Variants in C6orf52 observed in about 807,000 individuals in gnomAD.
C6orf52 encodes the protein chromosome 6 open reading frame 52.
A neutral mutation model predicts 16.6 loss-of-function variants in C6orf52; 16 were observed. The observed-to-expected ratio is 0.96, with a 90% CI of 0.65 to 1.46. C6orf52 has a LOEUF of 1.46. Among genes scored for constraint, C6orf52 ranks in the 40% most tolerant of loss-of-function variants. The pLI, the probability that C6orf52 is intolerant of heterozygous loss-of-function variation, is 0.00. For synonymous variants in C6orf52, 53 were observed against 61.4 expected, an observed-to-expected ratio of 0.86 and a Z score of 0.64; for missense variants, 166 against 182.3, an observed-to-expected ratio of 0.91 and a Z score of 0.52.
intron 1 of C6orf52, among the ~76,000 whole-genome samples, chr6:10,689,829 A>G (rs1310995574): frequency 6.6e-6 from 1 of 152,254 alleles, no homozygotes; most frequent in Admixed American, 6.5e-5. Flanking sequence ...TCCTTCCACT[A>G]GCACTAGACT....
chr6:10,687,533 A>G lies in C6orf52; in HGVS notation c.18T>C (p.Ser6=). 1 of 1,550,536 alleles carries G rather than the reference A, an allele frequency of 6.4e-7. No individual in the cohort carries two copies. Among genetic ancestry groups the G allele is most frequent in the Non-Finnish European group, 8.7e-7 (1 of 1,146,238 alleles). The part of the protein sequence containing the change: MAQPE[S]SADFGIAQQN... The stretch of plus-strand genomic sequence containing the variant: ...GTTGAGCTATGCCAAAATCTGCAGA[A>G]CTCTCTGGTTGGGCCATTTACCCAG... The change falls in exon 2 of 5, where the codon AGT becomes AGC. Residue 6 remains serine, a synonymous_variant. Transcript: ENST00000259983.
At chr6:10,672,339 G>C (rs1384468524) in intron 4 of C6orf52, among the ~76,000 whole-genome samples, 1 of 152,076 alleles carries the variant, frequency 6.6e-6, no homozygotes, top group African/African-American at 2.4e-5. Flanking sequence ...ATACTCATAT[G>C]GGTTCATGCT....
At position 10,687,464 on chromosome 6, in the gene C6orf52, G is replaced by A. The variant is rs1404010606; in HGVS notation, c.71+16C>T. The A allele has an allele frequency of 1.3e-6, 2 of 1,516,952 alleles. No individual in the cohort carries two copies. The highest frequency in any genetic ancestry group is 1.8e-6 in the Non-Finnish European group (2 of 1,116,844). 94.0% of individuals were successfully genotyped at this position (1,516,952 alleles called of 1,614,324 possible). ...AGTAACAGCTTTCCTTTTCAAAGTA[G>A]GAGAAAACCACTCACCTTTGCCAGT... On this transcript the variant is annotated intron_variant, in intron 2 of 4. Coordinates refer to ENST00000259983, the MANE Select transcript of C6orf52 (RefSeq NM_001145020.3).
At chr6:10,691,658 CT>C (rs1769321976) in intron 1 of C6orf52, among the ~76,000 whole-genome samples, 1 of 152,062 alleles carries the variant, frequency 6.6e-6, no homozygotes, top group South Asian at 2.1e-4. Context: ...GTCTCCCTCC[CT>C]TAAAATCCTA....
At chr6:10,676,841 C>T (rs1358962302) in intron 4 of C6orf52, among the ~76,000 whole-genome samples, 1 of 152,190 alleles carries the variant, frequency 6.6e-6, no homozygotes, top group Non-Finnish European at 1.5e-5. Context: ...ACTCCTTAAC[C>T]CACCCACATG....
At position 10,679,217 on chromosome 6, in the gene C6orf52, ATCACCT is replaced by A. The variant is rs371220375; in HGVS notation, c.316+3964_316+3969del. Among the ~76,000 whole-genome samples, 193 of 152,292 alleles carry A rather than the reference ATCACCT, an allele frequency of 1.3e-3. 1 individual carries two copies. Among genetic ancestry groups the A allele is most frequent in the African/African-American group, 4.1e-3 (171 of 41,568 alleles). ...CACTTTGGGAGGATGACGTGGGTGG[ATCACCT>A]GAGGCCAGGAGTTTGAGACCAGCCT... On this transcript the variant is annotated intron_variant, in intron 4 of 4. Transcript: ENST00000259983.
At chr6:10,679,855 A>G (rs1581543320) in intron 4 of C6orf52, among the ~76,000 whole-genome samples, 3 of 152,222 alleles carry the variant, frequency 2.0e-5, no homozygotes, top group Non-Finnish European at 4.4e-5. Flanking sequence ...TGAGTTTGTT[A>G]TATGGACTCT....
Position 10,694,594 on chromosome 6 carries a change from CCCTA to C in C6orf52, c.-116_-113del. 1.1e-5 allele frequency: 2 copies of C among 179,514 alleles called. No individual in the cohort carries two copies. Among genetic ancestry groups the C allele is most frequent in the South Asian group, 9.8e-5 (1 of 10,164 alleles). The allele number at this position is 179,514 out of a possible 1,614,324, so 11.1% of individuals were successfully genotyped here. A position where few individuals can be genotyped will look rare whatever the true frequency, so the allele number is the denominator to read the frequency against. On this transcript the variant is annotated 5_prime_UTR_variant, in exon 1 of 5. Coordinates refer to ENST00000259983, the MANE Select transcript of C6orf52 (RefSeq NM_001145020.3). ...CAATGCACGCTGCCGGCGCTACAGC[CCCTA>C]AGCAACCGGCCGGAAGTCGGCCCCA...
chr6:10,693,075 C>CT (rs1254129229), intron 1 of C6orf52, among the ~76,000 whole-genome samples: 1 of 151,278 alleles, frequency 6.6e-6, no homozygotes, highest in African/African-American at 2.5e-5. Flanking sequence ...GCTAATAACT[C>CT]TGTTAAGCCC....
At chr6:10,688,955 G>A (rs951085501) in intron 1 of C6orf52, among the ~76,000 whole-genome samples, 1 of 152,176 alleles carries the variant, frequency 6.6e-6, no homozygotes, top group East Asian at 1.9e-4. Flanking sequence ...GGGATTACAG[G>A]CATCTGGCAC....
chr6:10,673,570 T>C (rs1767608940), intron 4 of C6orf52, among the ~76,000 whole-genome samples: 1 of 152,146 alleles, frequency 6.6e-6, no homozygotes, highest in Non-Finnish European at 1.5e-5. Flanking sequence ...TGTTATTTAA[T>C]GGGTATGGAG....
At chr6:10,683,297 TTA>T in intron 3 of C6orf52, 65 bp from the exon 4 acceptor site, 3 of 1,004,666 alleles carry the variant, frequency 3.0e-6, no homozygotes, top group Non-Finnish European at 4.4e-6. Flanking sequence ...AATACATACT[TTA>T]TTGGGAAAAA....
At chr6:10,674,639 C>CTTTTT (rs78122068) in intron 4 of C6orf52, 4 of 126,334 alleles carry the variant, frequency 3.2e-5, no homozygotes, top group Non-Finnish European at 3.4e-5. Flanking sequence ...TTCTTTCTTT[C>CTTTTT]TTTTTTTTTT....
intron 3 of C6orf52, among the ~76,000 whole-genome samples, chr6:10,683,777 G>A (rs969807294): frequency 6.6e-6 from 1 of 152,254 alleles, no homozygotes; most frequent in South Asian, 2.1e-4. Context: ...TACATAATGA[G>A]AGAAGTAAAC....
At chr6:10,680,618 ATGGTGACTCAGGCC>A (rs1383707704) in intron 4 of C6orf52, among the ~76,000 whole-genome samples, 2 of 152,146 alleles carry the variant, frequency 1.3e-5, no homozygotes, top group Non-Finnish European at 2.9e-5. Context: ...GGGGCTGGGC[ATGGTGACTCAGGCC>A]TGTAATTCCA....
intron 3 of C6orf52, among the ~76,000 whole-genome samples, chr6:10,683,549 C>T (rs1768591470): frequency 6.6e-6 from 1 of 152,178 alleles, no homozygotes; most frequent in Admixed American, 6.5e-5. Context: ...CAGACACCAG[C>T]GACCCTGGTA....
chr6:10,693,918 G>A (rs1769593179), intron 1 of C6orf52, among the ~76,000 whole-genome samples: 1 of 151,976 alleles, frequency 6.6e-6, no homozygotes, highest in Non-Finnish European at 1.5e-5. Flanking sequence ...TTGTAGAGAC[G>A]GCATCAAAAT....
At chr6:10,673,952 T>C (rs532256494) in intron 4 of C6orf52, among the ~76,000 whole-genome samples, 3 of 152,330 alleles carry the variant, frequency 2.0e-5, no homozygotes, top group South Asian at 2.1e-4. Context: ...AATAATATCT[T>C]GGATATTGCC....
intron 4 of C6orf52, among the ~76,000 whole-genome samples, chr6:10,682,581 CAT>C (rs35732961): frequency 0.033 from 5,093 of 152,268 alleles, 266 homozygotes; most frequent in African/African-American, 0.11. Context: ...ATTAGACAAA[CAT>C]GTGATAAGAC....
Sources: allele counts gnomAD v4.1 joint callset (sites outside exome capture counted in the v4.1 genomes callset), GRCh38; gene constraint gnomAD v4.1.1; transcripts MANE v1.5; gene names NCBI Gene and HGNC (gene_info 2026-07-23, HGNC 2026-07-21).